The following P2RX7 variants were observed in gnomAD, a reference collection of about 807,000 sequenced individuals.
The protein encoded by P2RX7 is purinergic receptor P2X 7, also known as P2X purinoceptor 7.
P2RX7 carries 62 observed loss-of-function variants against 71.6 expected under a neutral mutation model. The observed-to-expected ratio is 0.87, with a 90% CI of 0.71 to 1.07. P2RX7 has a LOEUF of 1.07. Among genes scored for constraint, P2RX7 ranks in the 50% least tolerant of loss-of-function variants. The probability of loss-of-function intolerance (pLI) is 0.00; values close to 1 mark genes in which losing one functional copy is unlikely to be tolerated. For synonymous variants in P2RX7, 299 were observed against 283.3 expected, an observed-to-expected ratio of 1.06 and a Z score of -0.56; for missense variants, 686 against 748.5, an observed-to-expected ratio of 0.92 and a Z score of 0.97.
At chr12:121,134,424 C>T (rs1360948887) in intron 1 of P2RX7, among the ~76,000 whole-genome samples, 1 of 152,158 alleles carries the variant, frequency 6.6e-6, no homozygotes, top group Non-Finnish European at 1.5e-5. Context: ...TGAAGTCTTG[C>T]TCTGTTGCCC....
In P2RX7 at chr12:121,154,881, G is replaced by T. The variant is rs1878234879; in HGVS notation, c.222G>T (p.Glu74Asp). The T allele has an allele frequency of 1.9e-6, 3 of 1,614,092 alleles. No homozygotes were observed. The highest frequency in any genetic ancestry group is 1.7e-5 in the Admixed American group (1 of 60,010). Reference sequence around the variant, plus strand: ...AGGGGATAGCAGAGGTGAAAGAGGAGATCGTGGAGAATGGAGTGAAGAAGT... The same window carrying T: ...AGGGGATAGCAGAGGTGAAAGAGGATATCGTGGAGAATGGAGTGAAGAAGT... ...KVKGIAEVKE[E>D]IVENGVKKLV... Residue 74 changes from glutamate (E) to aspartate (D), a missense_variant, in exon 2 of 13, where the codon GAG (glutamate) becomes GAT (aspartate). By Grantham distance (45) the Glu-to-Asp change is conservative. Coordinates refer to ENST00000328963, the MANE Select transcript of P2RX7 (RefSeq NM_002562.6). This position sits in a 1 kb window ranked among gnomAD's most constrained non-coding sequence, Gnocchi z 4.2.
At chr12:121,162,128 G>A in intron 4 of P2RX7, 1 of 630,810 alleles carries the variant, frequency 1.6e-6, no homozygotes, top group South Asian at 2.6e-5. Context: ...CTAAGTGAGA[G>A]CATACACCTG....
chr12:121,165,946 C>A, intron 6 of P2RX7, 112 bp from the exon 7 acceptor site: 1 of 1,157,892 alleles, frequency 8.6e-7, no homozygotes, highest in Non-Finnish European at 1.2e-6. Context: ...AGGCAGTGAT[C>A]ATTTGGGGCT....
intron 1 of P2RX7, among the ~76,000 whole-genome samples, chr12:121,150,642 C>T (rs922772339): frequency 1.3e-5 from 2 of 152,244 alleles, no homozygotes; most frequent in Admixed American, 6.5e-5. Context: ...TGTGCACTGG[C>T]TTATGCCTGT....
rs149225744 is a variant in P2RX7, at chr12:121,157,039, T to C, written c.363+892T>C. Among the ~76,000 whole-genome samples, 353 of 152,320 alleles carry C rather than the reference T, an allele frequency of 2.3e-3. 2 individuals are homozygous for C. Among genetic ancestry groups the C allele is most frequent in the African/African-American group, 7.9e-3 (329 of 41,572 alleles). On this transcript the variant is annotated intron_variant, in intron 3 of 12. Transcript: ENST00000328963. ...ATTTGTCCTATTCTTTACCTCACCA[T>C]CCTGCTCTCTCCTCTTAAACCAGCT...
At chr12:121,167,401 A>G in intron 7 of P2RX7, 87 bp from the exon 8 acceptor site, 1 of 1,509,418 alleles carries the variant, frequency 6.6e-7, no homozygotes, top group Non-Finnish European at 9.1e-7. Context: ...AAAAACCTTA[A>G]GCAATCCTGG....
At chr12:121,174,467 G>A (rs1219453659) in intron 8 of P2RX7, among the ~76,000 whole-genome samples, 1 of 152,144 alleles carries the variant, frequency 6.6e-6, no homozygotes, top group African/African-American at 2.4e-5. Context: ...GCTGCAGTGA[G>A]CTCTGATCAT....
At chr12:121,168,868 G>A (rs537460050) in intron 8 of P2RX7, among the ~76,000 whole-genome samples, 1 of 152,112 alleles carries the variant, frequency 6.6e-6, no homozygotes, top group Non-Finnish European at 1.5e-5. Flanking sequence ...TTGAATTCCA[G>A]GTTACTTCCT....
At chr12:121,161,161 T>G (rs572114518) in intron 4 of P2RX7, among the ~76,000 whole-genome samples, 187 bp downstream of exon 4, 352 of 152,268 alleles carry the variant, frequency 2.3e-3, no homozygotes, top group Middle Eastern at 6.8e-3. Context: ...ACTGTAAACA[T>G]GACTCCAGTT....
chr12:121,167,356 T>A, intron 7 of P2RX7, 132 bp from the exon 8 acceptor site: 1 of 962,268 alleles, frequency 1.0e-6, no homozygotes, highest in East Asian at 2.5e-5. Context: ...TAGGTGGGGC[T>A]GTACATATGG....
intron 3 of P2RX7, among the ~76,000 whole-genome samples, chr12:121,160,252 A>T (rs1879399043): frequency 6.6e-6 from 1 of 151,746 alleles, no homozygotes; most frequent in Non-Finnish European, 1.5e-5. Context: ...GGTTCAAGTG[A>T]TTCTCCTGCC....
intron 8 of P2RX7, among the ~76,000 whole-genome samples, chr12:121,175,121 G>A (rs1882846506): frequency 6.6e-6 from 1 of 151,850 alleles, no homozygotes; most frequent in African/African-American, 2.4e-5. Flanking sequence ...ACCAGCCTGG[G>A]CAACATGGCA....
Position 121,175,339 on chromosome 12 carries a change from C to G in P2RX7, c.882-49C>G, listed in dbSNP as rs1882926600. On this transcript the variant is annotated intron_variant, in intron 8 of 12. Transcript: ENST00000328963. ...AAAAAAAAAAAAAAAACCCAAAACC[C>G]AGCACTTTCAAAGGGATCTTACAAA... 3 of 1,067,012 alleles carry G rather than the reference C, an allele frequency of 2.8e-6. No homozygotes were observed. The South Asian group carries it at 4.6e-5, about 16-fold the overall frequency. The allele number at this position is 1,067,012 out of a possible 1,614,324, so 66.1% of individuals were successfully genotyped here.
At chr12:121,150,726 T>C (rs570898665) in intron 1 of P2RX7, among the ~76,000 whole-genome samples, 1 of 152,264 alleles carries the variant, frequency 6.6e-6, no homozygotes, top group East Asian at 1.9e-4. Context: ...CTGACCAACA[T>C]GGAGAAACCC....
At chr12:121,153,214 C>T (rs541541083) in intron 1 of P2RX7, among the ~76,000 whole-genome samples, 2 of 152,292 alleles carry the variant, frequency 1.3e-5, no homozygotes, top group Admixed American at 1.3e-4. Flanking sequence ...GATTACACAG[C>T]CAAGGTGGAG....
Position 121,177,338 on chromosome 12 carries a change from T to G in P2RX7, c.1080T>G (p.Ser360Arg). 2 of 1,614,042 alleles carry G rather than the reference T, an allele frequency of 1.2e-6. No individual in the cohort carries two copies. Among genetic ancestry groups the G allele is most frequent in the Non-Finnish European group, 1.7e-6 (2 of 1,179,990 alleles). ...ACTTCCTCATCGACACTTACTCCAGTAACTGCTGTCGCTCCCATATTTATC... is the reference window on the plus strand; with the variant it reads ...ACTTCCTCATCGACACTTACTCCAGGAACTGCTGTCGCTCCCATATTTATC... Reference protein sequence around the residue: ...FIDFLIDTYSSNCCRSHIYPW... With the variant: ...FIDFLIDTYSRNCCRSHIYPW... Residue 360 changes from serine (S) to arginine (R), a missense_variant, in exon 11 of 13, where the codon AGT (serine) becomes AGG (arginine). By Grantham distance (110) the Ser-to-Arg change is moderately radical. Coordinates refer to ENST00000328963, the MANE Select transcript of P2RX7 (RefSeq NM_002562.6).
chr12:121,167,040 G>A (rs1310644059), intron 7 of P2RX7, among the ~76,000 whole-genome samples: 1 of 138,532 alleles, frequency 7.2e-6, no homozygotes. Context: ...TGACAAGAGC[G>A]AAACTCCATC....
intron 5 of P2RX7, among the ~76,000 whole-genome samples, chr12:121,163,836 G>A (rs1004016628): frequency 1.3e-5 from 2 of 152,128 alleles, no homozygotes; most frequent in Admixed American, 6.6e-5. Context: ...GTTCTAGACC[G>A]ATGTGATTCA....
chr12:121,184,057 C>A (rs1055016605), intron 12 of P2RX7, among the ~76,000 whole-genome samples: 1 of 135,656 alleles, frequency 7.4e-6, no homozygotes, highest in Non-Finnish European at 1.6e-5. Flanking sequence ...AGAGTGAGAC[C>A]CTCTCTCAAA....
Sources: allele counts gnomAD v4.1 joint callset (sites outside exome capture counted in the v4.1 genomes callset), GRCh38; gene constraint gnomAD v4.1.1; non-coding constraint Gnocchi (gnomAD v3.1); transcripts MANE v1.5; gene names NCBI Gene and HGNC (gene_info 2026-07-23, HGNC 2026-07-21).